Variants in PDE12 observed in about 807,000 individuals in gnomAD.
PDE12 encodes the protein 2',5'-phosphodiesterase 12.
A neutral mutation model predicts 45.4 loss-of-function variants in PDE12; 26 were observed. That is an observed-to-expected ratio of 0.57 (90% CI 0.42 to 0.79). The LOEUF (loss-of-function observed/expected upper bound fraction) is 0.79, where lower values mean the gene tolerates loss of function less well. PDE12 is among the 30% of genes least tolerant of loss of function. The pLI, the probability that PDE12 is intolerant of heterozygous loss-of-function variation, is 0.00. For synonymous variants in PDE12, 283 were observed against 323.9 expected, an observed-to-expected ratio of 0.87 and a Z score of 1.36; for missense variants, 668 against 790.0, an observed-to-expected ratio of 0.85 and a Z score of 1.85.
the PDE12 span, among the ~76,000 whole-genome samples, chr3:57,653,503 TG>T: frequency 6.6e-6 from 1 of 151,988 alleles, no homozygotes; most frequent in African/African-American, 2.4e-5. Flanking sequence ...CCCAGCACTT[TG>T]GGAGGCTGAG....
At chr3:57,592,945 C>T in the PDE12 span, among the ~76,000 whole-genome samples, 18 of 152,172 alleles carry the variant, frequency 1.2e-4, no homozygotes, top group African/African-American at 4.1e-4. Flanking sequence ...TGGCTTACAC[C>T]TGTCATCCTA....
chr3:57,651,470 T>C, the PDE12 span, among the ~76,000 whole-genome samples: 1 of 152,032 alleles, frequency 6.6e-6, no homozygotes, highest in Admixed American at 6.6e-5. Context: ...GGCAAGTCCA[T>C]AGAGACAGAA....
chr3:57,625,498 A>G, the PDE12 span: 2 of 152,660 alleles, frequency 1.3e-5, no homozygotes, highest in Admixed American at 6.5e-5. Context: ...GGTAATGACC[A>G]TAAATGCCTT....
chr3:57,618,627 T>TGG, the PDE12 span, among the ~76,000 whole-genome samples: 4 of 136,844 alleles, frequency 2.9e-5, 1 homozygote, highest in East Asian at 1.1e-3. Flanking sequence ...TTTTTTTTTT[T>TGG]GAGATGGAGT....
At chr3:57,568,442 G>A (rs1029503241), downstream of PDE12, among the ~76,000 whole-genome samples, 8 of 151,948 alleles carry the variant, frequency 5.3e-5, no homozygotes, top group South Asian at 2.1e-4. Context: ...GCGACAGAGC[G>A]AGACCCTGTC....
At position 57,557,264 on chromosome 3, in the gene PDE12, C is replaced by A. The variant is rs1367085576; in HGVS notation, c.885C>A (p.Ile295=). The A allele has an allele frequency of 2.5e-6, 4 of 1,613,954 alleles. No individual in the cohort carries two copies. In the South Asian group the frequency reaches 4.4e-5, roughly 18 times the overall value. The change falls in exon 1 of 3, where the codon ATC becomes ATA. Residue 295 remains isoleucine, a synonymous_variant. Coordinates refer to ENST00000311180, the MANE Select transcript of PDE12 (RefSeq NM_177966.7). ...YTKKVTEDAL[I]RTVSYNILAD... ...AGAAGGTGACTGAGGACGCTCTCAT[C>A]CGCACTGTCTCTTACAACATCCTGG... is the stretch of plus-strand genomic sequence containing the variant.
chr3:57,570,757 T>C (rs1381146761), downstream of PDE12, among the ~76,000 whole-genome samples: 2 of 152,134 alleles, frequency 1.3e-5, no homozygotes, highest in African/African-American at 4.8e-5. Flanking sequence ...AGTTCTAAAA[T>C]TTGCCCTGTT....
the PDE12 span, among the ~76,000 whole-genome samples, chr3:57,639,909 C>A: frequency 6.6e-6 from 1 of 152,056 alleles, no homozygotes; most frequent in Non-Finnish European, 1.5e-5. Context: ...GAAGGAATAT[C>A]TTGTAAAATC....
the PDE12 span, among the ~76,000 whole-genome samples, chr3:57,648,032 G>A: frequency 6.6e-6 from 1 of 152,050 alleles, no homozygotes; most frequent in African/African-American, 2.4e-5. Context: ...AGAAGAGAAA[G>A]AAATAAAGAG....
the PDE12 span, among the ~76,000 whole-genome samples, chr3:57,593,784 C>G: frequency 6.6e-6 from 1 of 152,162 alleles, no homozygotes; most frequent in African/African-American, 2.4e-5. Flanking sequence ...CCCTGTAACC[C>G]TAGCACTTTT....
the PDE12 span, chr3:57,597,245 G>C: frequency 7.0e-6 from 8 of 1,147,358 alleles, no homozygotes; most frequent in East Asian, 2.0e-4. Flanking sequence ...GGAAGAGAAA[G>C]AGCGGAGGAA....
At chr3:57,614,484 A>G in the PDE12 span, among the ~76,000 whole-genome samples, 1 of 151,904 alleles carries the variant, frequency 6.6e-6, no homozygotes, top group Admixed American at 6.6e-5. Context: ...TTATATAAAA[A>G]AGACACCTGC....
At chr3:57,644,082 G>A in the PDE12 span, among the ~76,000 whole-genome samples, 5 of 151,358 alleles carry the variant, frequency 3.3e-5, no homozygotes, top group East Asian at 1.9e-4. Context: ...CCCGGGAGGC[G>A]GAGGTTGCAG....
the PDE12 span, chr3:57,628,254 T>A: frequency 4.3e-6 from 7 of 1,613,976 alleles, no homozygotes; most frequent in South Asian, 6.6e-5. Context: ...TTGCAAGTCC[T>A]CTGGCAATGC....
At chr3:57,600,574 T>A in the PDE12 span, among the ~76,000 whole-genome samples, 1 of 151,670 alleles carries the variant, frequency 6.6e-6, no homozygotes, top group South Asian at 2.1e-4. Context: ...ATTTTATGTA[T>A]TTTTGGTAGA....
At chr3:57,604,572 G>T in the PDE12 span, among the ~76,000 whole-genome samples, 1 of 130,610 alleles carries the variant, frequency 7.7e-6, no homozygotes, top group Non-Finnish European at 1.6e-5. Flanking sequence ...AACAAAGCAA[G>T]ACCTCCTCTC....
chr3:57,631,356 C>T, the PDE12 span, among the ~76,000 whole-genome samples: 17 of 152,282 alleles, frequency 1.1e-4, no homozygotes, highest in South Asian at 3.3e-3. Context: ...GCCACCACGC[C>T]TGGCTAATTT....
chr3:57,585,230 C>A, the PDE12 span, among the ~76,000 whole-genome samples: 2 of 152,084 alleles, frequency 1.3e-5, no homozygotes, highest in Middle Eastern at 3.2e-3. Flanking sequence ...ATAAAGAATT[C>A]TTAAGATTTG....
Position 57,563,702 on chromosome 3 carries a change from C to CA in PDE12, c.*3699dup, listed in dbSNP as rs1489571620. 1.3e-5 allele frequency: 2 copies of CA among 152,154 alleles called. No individual in the cohort carries two copies. The highest frequency in any genetic ancestry group is 2.9e-5 in the Non-Finnish European group (2 of 68,078). The allele number at this position is 152,154 out of a possible 1,614,324, so 9.4% of individuals were successfully genotyped here. A position where few individuals can be genotyped will look rare whatever the true frequency, so the allele number is the denominator to read the frequency against. Reference sequence around the variant, plus strand: ...AGGAGTTCAAGACCAGCCTTGGCAACATTGTGAGACCCTATCTCTGCAAAA... The same window carrying CA: ...AGGAGTTCAAGACCAGCCTTGGCAACAATTGTGAGACCCTATCTCTGCAAAA... On this transcript the variant is annotated 3_prime_UTR_variant, in exon 3 of 3. Coordinates refer to ENST00000311180, the MANE Select transcript of PDE12 (RefSeq NM_177966.7).
Sources: allele counts gnomAD v4.1 joint callset (sites outside exome capture counted in the v4.1 genomes callset), GRCh38; gene constraint gnomAD v4.1.1; transcripts MANE v1.5; gene names NCBI Gene and HGNC (gene_info 2026-07-23, HGNC 2026-07-21).